FAM107A: variants seen among roughly 807,000 people sequenced by gnomAD.
The protein encoded by FAM107A is actin-associated protein FAM107A.
A neutral mutation model predicts 13.7 loss-of-function variants in FAM107A; 19 were observed. That is an observed-to-expected ratio of 1.38 (90% CI 0.97 to 2.03). FAM107A has a LOEUF of 2.03. FAM107A is among the 30% of genes most tolerant of loss of function. FAM107A has a pLI of 0.00. For synonymous variants in FAM107A, 82 were observed against 74.5 expected, an observed-to-expected ratio of 1.10 and a Z score of -0.52; for missense variants, 203 against 184.4, an observed-to-expected ratio of 1.10 and a Z score of -0.58.
At chr3:58,583,696 G>C (rs371396012) in intron 1 of FAM107A, among the ~76,000 whole-genome samples, 1 of 151,372 alleles carries the variant, frequency 6.6e-6, no homozygotes. Flanking sequence ...TTTTTTTTGG[G>C]GGGGGACACG....
chr3:58,602,070 G>A (rs934494245), intron 1 of FAM107A, among the ~76,000 whole-genome samples: 9 of 152,098 alleles, frequency 5.9e-5, no homozygotes, highest in Admixed American at 2.6e-4. Flanking sequence ...GAGAGCTTGT[G>A]AAATAACACA....
At chr3:58,599,696 ATTTTTTTTTTTTTTTTTTTTTTTTTTT>A (rs57244654) in intron 1 of FAM107A, among the ~76,000 whole-genome samples, 1 of 78,570 alleles carries the variant, frequency 1.3e-5, no homozygotes, top group African/African-American at 4.9e-5. Context: ...CAAGTGCACC[ATTTTTTTTTTTTTTTTTTTTTTTTTTT>A]TTTTTTTTTT....
intron 1 of FAM107A, among the ~76,000 whole-genome samples, chr3:58,615,536 A>G (rs1371392964): frequency 1.7e-4 from 26 of 152,202 alleles, no homozygotes; most frequent in Admixed American, 1.7e-3. Flanking sequence ...GTAATTTCAG[A>G]TGGTGGTAAG....
intron 1 of FAM107A, among the ~76,000 whole-genome samples, chr3:58,626,751 T>A (rs2066021751): frequency 6.6e-6 from 1 of 152,204 alleles, no homozygotes; most frequent in Non-Finnish European, 1.5e-5. Flanking sequence ...GAGATTTGGC[T>A]GCCCCCGAGT....
intron 1 of FAM107A, among the ~76,000 whole-genome samples, chr3:58,570,689 C>T (rs1163320365): frequency 6.6e-6 from 1 of 151,010 alleles, no homozygotes; most frequent in East Asian, 1.9e-4. Context: ...ACTGCCTGGC[C>T]ATTAGCTGCT....
At chr3:58,570,810 G>A (rs998856341) in intron 1 of FAM107A, among the ~76,000 whole-genome samples, 4 of 152,238 alleles carry the variant, frequency 2.6e-5, no homozygotes, top group African/African-American at 9.6e-5. Context: ...GGCAGTGTCT[G>A]GTCTGGTATG....
intron 1 of FAM107A, among the ~76,000 whole-genome samples, chr3:58,614,659 C>T (rs533952128): frequency 2.0e-5 from 3 of 152,160 alleles, no homozygotes; most frequent in Admixed American, 1.3e-4. Flanking sequence ...TGCCTGCCAC[C>T]ATGCCTGGCT....
In FAM107A at chr3:58,604,460, A is replaced by T. The variant is rs147363687; in HGVS notation, c.-69-15191T>A. Reference sequence around the variant, plus strand: ...ATCTGCCTGCACCCTCCATTATATAAGTGGAGAAACTGAGGCACAGAGCAC... The same window carrying T: ...ATCTGCCTGCACCCTCCATTATATATGTGGAGAAACTGAGGCACAGAGCAC... On this transcript the variant is annotated intron_variant, in intron 1 of 3. Transcript: ENST00000465970. This position sits in a 1 kb window ranked among gnomAD's most constrained non-coding sequence, Gnocchi z 4.1. Among the ~76,000 whole-genome samples, 92 of 152,142 alleles carry T rather than the reference A, an allele frequency of 6.0e-4. No homozygotes were observed. Among genetic ancestry groups the T allele is most frequent in the African/African-American group, 2.1e-3 (88 of 41,502 alleles).
chr3:58,614,506 C>CT (rs200625039), intron 1 of FAM107A, among the ~76,000 whole-genome samples: 23,250 of 139,336 alleles, frequency 0.17, 3,092 homozygotes, highest in African/African-American at 0.38. Context: ...TTCTTTCTTT[C>CT]TTTTTTTTTT....
chr3:58,620,275 T>A lies in FAM107A; in HGVS notation c.-70+7141A>T, dbSNP rs569155160. Among the ~76,000 whole-genome samples the A allele has an allele frequency of 6.2e-4, 95 of 152,200 alleles. 1 individual carries two copies. The highest frequency in any genetic ancestry group is 2.1e-3 in the African/African-American group (87 of 41,540). On this transcript the variant is annotated intron_variant, in intron 1 of 3. Coordinates refer to the FAM107A transcript ENST00000465970. ...TCCGGGGAAGTGGGGAGAGTGATGG[T>A]GTCATGGGGTCCCTGAGGAACTTGA...
intron 1 of FAM107A, among the ~76,000 whole-genome samples, chr3:58,585,155 C>T (rs943400504): frequency 1.3e-5 from 2 of 152,148 alleles, no homozygotes; most frequent in Admixed American, 6.5e-5. Flanking sequence ...AACACTCCTA[C>T]GTGTTTGCTA....
intron 1 of FAM107A, among the ~76,000 whole-genome samples, chr3:58,603,397 T>A (rs1575452292): frequency 1.3e-5 from 2 of 152,302 alleles, no homozygotes; most frequent in East Asian, 3.9e-4. Context: ...GGTACCATCA[T>A]GTCTTTAGAT....
intron 1 of FAM107A, among the ~76,000 whole-genome samples, chr3:58,595,686 C>G (rs191887904): frequency 2.0e-5 from 3 of 148,504 alleles, no homozygotes; most frequent in African/African-American, 7.3e-5. Flanking sequence ...GTGAAATAAA[C>G]AGCCTTGTTG....
chr3:58,586,594 C>T (rs1349705754), intron 1 of FAM107A, among the ~76,000 whole-genome samples: 4 of 151,704 alleles, frequency 2.6e-5, no homozygotes, highest in African/African-American at 4.8e-5. Context: ...GAGGCTGAGG[C>T]GGGAGGATGG....
At chr3:58,624,768 G>A (rs1004266702) in intron 1 of FAM107A, among the ~76,000 whole-genome samples, 4 of 149,116 alleles carry the variant, frequency 2.7e-5, no homozygotes, top group East Asian at 2.1e-4. Context: ...AAGCAACAAC[G>A]CTGTGTTTTG....
In FAM107A at chr3:58,613,758, A is replaced by T. The variant is rs2065876259; in HGVS notation, c.-70+13658T>A. On this transcript the variant is annotated intron_variant, in intron 1 of 3. Transcript: ENST00000465970. The surrounding 1 kb of genome is among the most constrained non-coding windows in gnomAD (Gnocchi z 4.6). Reference sequence around the variant, plus strand: ...GTCTTGGGGAGGCTCAACCCTCCCAAGTGCTCAGCTTACCACAGCTGCCAA... The same window carrying T: ...GTCTTGGGGAGGCTCAACCCTCCCATGTGCTCAGCTTACCACAGCTGCCAA... Among the ~76,000 whole-genome samples the T allele has an allele frequency of 6.6e-6, 1 of 152,180 alleles. No homozygotes were observed.
At chr3:58,620,514 T>C (rs2065944127) in intron 1 of FAM107A, among the ~76,000 whole-genome samples, 1 of 152,394 alleles carries the variant, frequency 6.6e-6, no homozygotes, top group Non-Finnish European at 1.5e-5. Context: ...CTTTTTTCCT[T>C]TCTTTCTCCT....
chr3:58,577,966 C>T (rs1213770854), upstream of FAM107A, among the ~76,000 whole-genome samples: 3 of 151,702 alleles, frequency 2.0e-5, no homozygotes, highest in South Asian at 2.1e-4. This position sits in a 1 kb window ranked among gnomAD's most constrained non-coding sequence, Gnocchi z 4.9. Context: ...GGGGATGCAC[C>T]GTGTCTGGGT....
chr3:58,627,274 A>C (rs1418694398), intron 1 of FAM107A: 1 of 464,002 alleles, frequency 2.2e-6, no homozygotes. Flanking sequence ...CACCTCCCAG[A>C]ACCCTGCCTC....
Sources: gnomAD v4.1 joint callset for allele counts (sites outside exome capture counted in the v4.1 genomes callset) on GRCh38, gnomAD v4.1.1 for gene constraint, Gnocchi (gnomAD v3.1) non-coding constraint, MANE v1.5 for transcripts, NCBI Gene and HGNC (gene_info 2026-07-23, HGNC 2026-07-21) for gene names.